SLC35F3: variants seen among roughly 807,000 people sequenced by gnomAD.
SLC35F3 encodes the protein solute carrier family 35 member F3, also known as putative thiamine transporter SLC35F3.
Under a neutral mutation model 49.9 loss-of-function variants are expected in SLC35F3, and 25 were observed. The observed-to-expected ratio is 0.50, with a 90% confidence interval of 0.37 to 0.70. SLC35F3 has a LOEUF of 0.70. Among genes scored for constraint, SLC35F3 ranks in the 30% least tolerant of loss-of-function variants. The probability of loss-of-function intolerance (pLI) is 0.00; values close to 1 mark genes in which losing one functional copy is unlikely to be tolerated. For missense variants in SLC35F3, 525 were observed against 639.8 expected, an observed-to-expected ratio of 0.82 and a Z score of 1.94; for synonymous variants, 275 against 265.4, an observed-to-expected ratio of 1.04 and a Z score of -0.35.
intron 2 of SLC35F3, among the ~76,000 whole-genome samples, chr1:234,172,788 G>T (rs2102919669): frequency 6.6e-6 from 1 of 152,270 alleles, no homozygotes; most frequent in South Asian, 2.1e-4. Flanking sequence ...ATATCTAAAT[G>T]TAGAAAAGGT....
chr1:234,041,684 G>A (rs1376539058), intron 2 of SLC35F3, among the ~76,000 whole-genome samples: 3 of 152,076 alleles, frequency 2.0e-5, no homozygotes, highest in Non-Finnish European at 4.4e-5. Flanking sequence ...CAAAGATTCT[G>A]TTTGCAAAGC....
chr1:234,243,589 G>A (rs191456924), intron 3 of SLC35F3, among the ~76,000 whole-genome samples: 7 of 152,324 alleles, frequency 4.6e-5, no homozygotes, highest in Admixed American at 3.9e-4. Flanking sequence ...TTTAGAGGAT[G>A]TAGGAGGTGT....
chr1:234,172,371 TG>T (rs1247605440), intron 2 of SLC35F3, among the ~76,000 whole-genome samples: 1 of 152,150 alleles, frequency 6.6e-6, no homozygotes, highest in East Asian at 1.9e-4. Context: ...GGACTACAGG[TG>T]CGTGCCACCA....
chr1:234,220,234 GC>G (rs1667182941), intron 2 of SLC35F3, among the ~76,000 whole-genome samples: 1 of 151,360 alleles, frequency 6.6e-6, no homozygotes, highest in African/African-American at 2.5e-5. Context: ...AATAAAAACT[GC>G]CACTGTCTAT....
At chr1:234,182,438 G>C (rs540771269) in intron 2 of SLC35F3, among the ~76,000 whole-genome samples, 1 of 152,288 alleles carries the variant, frequency 6.6e-6, no homozygotes, top group East Asian at 1.9e-4. Flanking sequence ...CCTGATCTGG[G>C]CTCTAGGAGT....
chr1:234,293,052 CA>C (rs34928689), intron 3 of SLC35F3, among the ~76,000 whole-genome samples: 1 of 152,172 alleles, frequency 6.6e-6, no homozygotes, highest in Admixed American at 6.5e-5. Context: ...ATCCGGTTCC[CA>C]AAAAGGGCAC....
intron 2 of SLC35F3, among the ~76,000 whole-genome samples, chr1:233,963,939 C>G (rs1358805017): frequency 6.6e-6 from 1 of 152,146 alleles, no homozygotes; most frequent in Non-Finnish European, 1.5e-5. Flanking sequence ...ACCTGGGGGG[C>G]CCATACCCCA....
At chr1:234,134,692 T>G (rs4320842) in intron 2 of SLC35F3, among the ~76,000 whole-genome samples, 31,428 of 151,924 alleles carry the variant, frequency 0.21, 4,366 homozygotes, top group East Asian at 0.75. Flanking sequence ...AAAACCTTTG[T>G]AGTGGGCCCT....
At chr1:234,050,090 A>G (rs376342557) in intron 2 of SLC35F3, among the ~76,000 whole-genome samples, 4 of 152,222 alleles carry the variant, frequency 2.6e-5, no homozygotes, top group Admixed American at 2.6e-4. Context: ...TAGTGCCACA[A>G]TAAACATACG....
chr1:234,214,256 G>A lies in SLC35F3; in HGVS notation c.284-17161G>A. ...AACCTCCAAGTAGGAGGCTGTGCGC[G>A]CGTGTGTGTGGAGTGGCTGCGCGGC... On this transcript the variant is annotated intron_variant, in intron 2 of 7. Coordinates refer to ENST00000366618, the MANE Select transcript of SLC35F3 (RefSeq NM_173508.4). This position sits in a 1 kb window ranked among gnomAD's most constrained non-coding sequence, Gnocchi z 8.0. 2 of 1,249,834 alleles carry A rather than the reference G, an allele frequency of 1.6e-6. No individual in the cohort carries two copies. The highest frequency in any genetic ancestry group is 2.0e-6 in the Non-Finnish European group (2 of 999,206). 77.4% of individuals were successfully genotyped at this position (1,249,834 alleles called of 1,614,324 possible).
intron 2 of SLC35F3, among the ~76,000 whole-genome samples, chr1:233,955,687 C>T (rs1355063089): frequency 2.6e-5 from 4 of 151,824 alleles, no homozygotes; most frequent in Non-Finnish European, 5.9e-5. Context: ...AGCCTCTGAT[C>T]GTTCACACTG....
At position 234,309,257 on chromosome 1, in the gene SLC35F3, C is replaced by T; in HGVS notation, c.765C>T (p.Cys255=). The change falls in exon 4 of 8, where the codon TGC becomes TGT. Residue 255 remains cysteine, a synonymous_variant. Transcript: ENST00000366618. ...NTTDVSVLFC[C]NKAFVFLLSW... is the part of the protein sequence containing the mutation. The stretch of plus-strand genomic sequence containing the variant: ...CGGATGTCTCCGTGTTGTTCTGCTG[C>T]AACAAAGCTTTTGTGTTCTTGCTCT... The T allele has an allele frequency of 3.7e-6, 6 of 1,614,204 alleles. No homozygotes were observed. The highest frequency in any genetic ancestry group is 5.1e-6 in the Non-Finnish European group (6 of 1,180,030).
chr1:233,949,278 G>A (rs1041996947), intron 2 of SLC35F3, among the ~76,000 whole-genome samples: 1 of 152,062 alleles, frequency 6.6e-6, no homozygotes. Flanking sequence ...TATTAGTGGG[G>A]TCCTTGAGCA....
chr1:233,965,764 G>C (rs1172333191), intron 2 of SLC35F3, among the ~76,000 whole-genome samples: 1 of 152,202 alleles, frequency 6.6e-6, no homozygotes, highest in Non-Finnish European at 1.5e-5. Context: ...CTGAGCAGAA[G>C]ACCCAGTAAA....
chr1:233,918,954 G>A (rs1225751849), intron 2 of SLC35F3, among the ~76,000 whole-genome samples: 1 of 152,028 alleles, frequency 6.6e-6, no homozygotes, highest in African/African-American at 2.4e-5. Flanking sequence ...TGTACTTTAA[G>A]TAGTTCAACA....
intron 2 of SLC35F3, among the ~76,000 whole-genome samples, chr1:234,089,879 T>C (rs73106440): frequency 0.011 from 1,665 of 152,208 alleles, 35 homozygotes; most frequent in African/African-American, 0.038. Flanking sequence ...ATGTACTAGA[T>C]AAGATAGGAA....
intron 2 of SLC35F3, among the ~76,000 whole-genome samples, chr1:234,211,056 C>A (rs1427846780): frequency 1.3e-5 from 2 of 152,248 alleles, no homozygotes; most frequent in African/African-American, 4.8e-5. Context: ...AAGGGGCCAA[C>A]ATAGAGCTTG....
chr1:234,275,792 ATGC>A (rs145881047), intron 3 of SLC35F3, among the ~76,000 whole-genome samples: 8,726 of 151,164 alleles, frequency 0.058, 308 homozygotes, highest in African/African-American at 0.098. Flanking sequence ...AGCACAGAAG[ATGC>A]TGCTGCTGCT....
intron 2 of SLC35F3, among the ~76,000 whole-genome samples, chr1:234,103,522 C>G (rs916123051): frequency 2.0e-5 from 3 of 152,138 alleles, no homozygotes; most frequent in African/African-American, 7.2e-5. Context: ...GAGTCTTGGC[C>G]ACAGGTATGG....
Sources: gnomAD v4.1 joint callset for allele counts (sites outside exome capture counted in the v4.1 genomes callset) on GRCh38, gnomAD v4.1.1 for gene constraint, Gnocchi (gnomAD v3.1) non-coding constraint, MANE v1.5 for transcripts, NCBI Gene and HGNC (gene_info 2026-07-23, HGNC 2026-07-21) for gene names.